The following DCDC1 variants were observed in gnomAD, a reference collection of about 807,000 sequenced individuals.
DCDC1 encodes the protein doublecortin domain-containing protein 1.
In DCDC1, 200 loss-of-function variants were observed where a neutral mutation model predicts 178.3. That is an observed-to-expected ratio of 1.12 (90% CI 1.00 to 1.26). The LOEUF is 1.26. Ranked by LOEUF, DCDC1 falls within the 50% of genes most tolerant of loss-of-function variation. The pLI is 0.00. For synonymous variants in DCDC1, 690 were observed against 604.8 expected, an observed-to-expected ratio of 1.14 and a Z score of -2.07; for missense variants, 1,983 against 1,749.2, an observed-to-expected ratio of 1.13 and a Z score of -2.38.
intron 20 of DCDC1, among the ~76,000 whole-genome samples, chr11:30,976,523 A>T (rs1313476370): frequency 6.6e-6 from 1 of 151,686 alleles, no homozygotes; most frequent in Non-Finnish European, 1.5e-5. Context: ...GTGGGCAAAG[A>T]ATGTGAATAG....
At chr11:30,906,002 G>A (rs1387568308) in intron 30 of DCDC1, among the ~76,000 whole-genome samples, 7 of 152,146 alleles carry the variant, frequency 4.6e-5, no homozygotes, top group Non-Finnish European at 2.9e-5. Context: ...ACAGTTGAAA[G>A]GGAGGGTTTT....
chr11:31,224,097 A>G (rs1974618618), intron 9 of DCDC1, among the ~76,000 whole-genome samples: 1 of 152,076 alleles, frequency 6.6e-6, no homozygotes, highest in South Asian at 2.1e-4. Context: ...CCATGTAAGA[A>G]GTGCCTTTAG....
At chr11:31,357,604 A>AAGGAAATAAAGGGTATTCAATT (rs1427324480) in intron 1 of DCDC1, among the ~76,000 whole-genome samples, 1 of 152,116 alleles carries the variant, frequency 6.6e-6, no homozygotes, top group African/African-American at 2.4e-5. Flanking sequence ...TACGCAGGAG[A>AAGGAAATAAAGGGTATTCAATT]AGGAAATAAA....
Position 31,230,035 on chromosome 11 carries a change from G to C in DCDC1, c.1221+11415C>G, listed in dbSNP as rs185563059. Among the ~76,000 whole-genome samples, 5 of 152,106 alleles carry C rather than the reference G, an allele frequency of 3.3e-5. No homozygotes were observed. The East Asian group carries it at 9.7e-4, about 29-fold the overall frequency. ...AACAGTTAGACAAGAAGAAATAAAA[G>C]GCATTCAAATTTGGAAGGAAGAAGT... On this transcript the variant is annotated intron_variant, in intron 9 of 38. Coordinates refer to ENST00000684477, the MANE Select transcript of DCDC1 (RefSeq NM_001387274.1).
intron 26 of DCDC1, among the ~76,000 whole-genome samples, chr11:30,915,976 A>T (rs1160789840): frequency 1.3e-5 from 2 of 152,226 alleles, no homozygotes; most frequent in Non-Finnish European, 2.9e-5. Context: ...GTTAGCAAAG[A>T]AAAAAGAACT....
chr11:31,139,748 C>G (rs930739299), intron 9 of DCDC1, among the ~76,000 whole-genome samples: 1 of 151,674 alleles, frequency 6.6e-6, no homozygotes, highest in East Asian at 1.9e-4. Flanking sequence ...CCTTTGAAAG[C>G]ACCACAGTTG....
At chr11:31,355,829 A>G (rs1203303887) in intron 1 of DCDC1, among the ~76,000 whole-genome samples, 1 of 152,040 alleles carries the variant, frequency 6.6e-6, no homozygotes, top group East Asian at 1.9e-4. Flanking sequence ...TCGACCTCCC[A>G]AGGTGCTGGG....
At position 31,089,006 on chromosome 11, in the gene DCDC1, C is replaced by T. The variant is rs563681408; in HGVS notation, c.2237+2387G>A. On this transcript the variant is annotated intron_variant, in intron 17 of 38. Coordinates refer to ENST00000684477, the MANE Select transcript of DCDC1 (RefSeq NM_001387274.1). The stretch of plus-strand genomic sequence containing the variant: ...TGAGCCACCATGCCAGGCCTAGTAG[C>T]ATTGTTATATTACCTATATAGTCAC... Among the ~76,000 whole-genome samples, 4 of 152,236 alleles carry T rather than the reference C, an allele frequency of 2.6e-5. No individual in the cohort carries two copies. The East Asian group carries it at 5.8e-4, about 22-fold the overall frequency.
intron 20 of DCDC1, among the ~76,000 whole-genome samples, chr11:31,044,237 G>T (rs749016777): frequency 6.6e-6 from 1 of 152,076 alleles, no homozygotes; most frequent in Non-Finnish European, 1.5e-5. Context: ...CAGCACTTTG[G>T]GAGGCCAAGG....
intron 17 of DCDC1, among the ~76,000 whole-genome samples, chr11:31,081,082 G>A (rs1423167362): frequency 3.3e-5 from 5 of 152,158 alleles, no homozygotes; most frequent in African/African-American, 2.4e-5. Context: ...GCAACTGTGT[G>A]AGGGCAGAGA....
Position 31,064,760 on chromosome 11 carries a change from C to A in DCDC1, c.2434-134G>T, listed in dbSNP as rs1590926275. On this transcript the variant is annotated intron_variant, in intron 19 of 38. Coordinates refer to ENST00000684477, the MANE Select transcript of DCDC1 (RefSeq NM_001387274.1). Reference sequence around the variant, plus strand: ...TTCTACAACACATAAGTCCTTTGTACGTGGCCAAAAGAAAAGAAGGCAATC... The same window carrying A: ...TTCTACAACACATAAGTCCTTTGTAAGTGGCCAAAAGAAAAGAAGGCAATC... The A allele has an allele frequency of 6.8e-6, 4 of 589,482 alleles. No homozygotes were observed. The South Asian group carries it at 8.9e-5, about 13-fold the overall frequency. The allele number at this position is 589,482 out of a possible 1,614,324, so 36.5% of individuals were successfully genotyped here. A position where few individuals can be genotyped will look rare whatever the true frequency, so the allele number is the denominator to read the frequency against.
intron 9 of DCDC1, among the ~76,000 whole-genome samples, chr11:31,174,527 G>A (rs1967732343): frequency 6.6e-6 from 1 of 152,286 alleles, no homozygotes; most frequent in East Asian, 1.9e-4. Flanking sequence ...GGGCTTCTGA[G>A]TGGAAAGGGA....
In DCDC1 at chr11:31,250,426, ATATG is replaced by A. The variant is rs1235029897; in HGVS notation, c.1055-8814_1055-8811del. On this transcript the variant is annotated intron_variant, in intron 8 of 38. Coordinates refer to ENST00000684477, the MANE Select transcript of DCDC1 (RefSeq NM_001387274.1). ...CACACACACACACACATATACATATATATGTATATATATATATATCCCTGCCTGG... is the reference window on the plus strand; with the variant it reads ...CACACACACACACACATATACATATATATATATATATATATCCCTGCCTGG... 1.3e-3 allele frequency among the ~76,000 whole-genome samples: 151 copies of A among 120,642 alleles called. 6 individuals carry two copies. Among genetic ancestry groups the A allele is most frequent in the Admixed American group, 2.3e-3 (27 of 11,776 alleles). 79.1% of individuals were successfully genotyped at this position (120,642 alleles called of 152,430 possible). A position where few individuals can be genotyped will look rare whatever the true frequency, so the allele number is the denominator to read the frequency against.
chr11:31,212,829 G>T (rs1972743607), intron 9 of DCDC1, among the ~76,000 whole-genome samples: 1 of 152,080 alleles, frequency 6.6e-6, no homozygotes, highest in South Asian at 2.1e-4. Context: ...ATACAAAACT[G>T]TGTACAAGGA....
chr11:31,306,207 C>G (rs1591709563), intron 5 of DCDC1, 25 bp downstream of exon 5: 1 of 1,461,054 alleles, frequency 6.8e-7, no homozygotes, highest in East Asian at 2.5e-5. Flanking sequence ...AAATAAAGCA[C>G]AGAAAACTTT....
At chr11:30,872,852 T>C (rs931658155) in intron 38 of DCDC1, among the ~76,000 whole-genome samples, 3 of 152,032 alleles carry the variant, frequency 2.0e-5, no homozygotes, top group Non-Finnish European at 4.4e-5. Context: ...TGCACATAAT[T>C]ATTTTATTTG....
intron 9 of DCDC1, among the ~76,000 whole-genome samples, chr11:31,164,086 T>C (rs1966561541): frequency 6.6e-6 from 1 of 152,064 alleles, no homozygotes; most frequent in South Asian, 2.1e-4. Flanking sequence ...TCAAAGCAAC[T>C]AAGGAAGAGA....
chr11:31,068,484 G>T (rs1956376499), intron 18 of DCDC1, among the ~76,000 whole-genome samples: 1 of 152,112 alleles, frequency 6.6e-6, no homozygotes, highest in African/African-American at 2.4e-5. Flanking sequence ...CATAGATGTG[G>T]ATGTCAGTAT....
At chr11:31,131,974 T>G (rs1962502461) in intron 10 of DCDC1, among the ~76,000 whole-genome samples, 1 of 152,170 alleles carries the variant, frequency 6.6e-6, no homozygotes, top group Non-Finnish European at 1.5e-5. Context: ...AACCATACAA[T>G]TGATGATGTC....
Sources: allele counts gnomAD v4.1 joint callset (sites outside exome capture counted in the v4.1 genomes callset), GRCh38; gene constraint gnomAD v4.1.1; transcripts MANE v1.5; gene names NCBI Gene and HGNC (gene_info 2026-07-23, HGNC 2026-07-21).